Variants in KIRREL3 observed in about 807,000 individuals in gnomAD.
KIRREL3 encodes kirre like nephrin family adhesion molecule 3, also known as kin of IRRE-like protein 3.
Under a neutral mutation model 89.7 loss-of-function variants are expected in KIRREL3, and 36 were observed. The ratio of observed to expected loss-of-function variants is 0.40; its 90% CI spans 0.31 to 0.53. KIRREL3 has a LOEUF of 0.53. KIRREL3 is among the 20% of genes least tolerant of loss of function. The pLI is 0.49. For missense variants in KIRREL3, 864 were observed against 1,056.6 expected, an observed-to-expected ratio of 0.82 and a Z score of 2.53; for synonymous variants, 445 against 441.4, an observed-to-expected ratio of 1.01 and a Z score of -0.10.
At chr11:126,849,650 C>T (rs1246525587) in intron 1 of KIRREL3, among the ~76,000 whole-genome samples, 4 of 152,172 alleles carry the variant, frequency 2.6e-5, no homozygotes, top group African/African-American at 9.7e-5. Flanking sequence ...GCAGAGATGT[C>T]TAGTCACAGA....
In KIRREL3 at chr11:126,898,702, G is replaced by C. The variant is rs1325559970; in HGVS notation, c.55+101753C>G. On this transcript the variant is annotated intron_variant, in intron 1 of 16. Transcript: ENST00000525144. This position sits in a 1 kb window ranked among gnomAD's most constrained non-coding sequence, Gnocchi z 4.9. Reference sequence around the variant, plus strand: ...TTATCAAACATAGAATAGTTACCTGGGGGTAAAGGAAGGGAAATGGAAGTG... The same window carrying C: ...TTATCAAACATAGAATAGTTACCTGCGGGTAAAGGAAGGGAAATGGAAGTG... Among the ~76,000 whole-genome samples, 6 of 152,066 alleles carry C rather than the reference G, an allele frequency of 3.9e-5. No homozygotes were observed. The highest frequency in any genetic ancestry group is 8.8e-5 in the Non-Finnish European group (6 of 68,016).
At chr11:126,632,040 C>T (rs1944047604) in intron 1 of KIRREL3, among the ~76,000 whole-genome samples, 1 of 152,180 alleles carries the variant, frequency 6.6e-6, no homozygotes, top group Non-Finnish European at 1.5e-5. Flanking sequence ...TTTTATTTGA[C>T]ACCGGGATCA....
At chr11:126,945,891 G>A (rs1357993707) in intron 1 of KIRREL3, among the ~76,000 whole-genome samples, 1 of 152,144 alleles carries the variant, frequency 6.6e-6, no homozygotes, top group African/African-American at 2.4e-5. Context: ...GGCCTATTAA[G>A]GTCCCTTTTA....
chr11:126,997,456 C>T lies in KIRREL3; in HGVS notation c.55+2999G>A, dbSNP rs543210780. Among the ~76,000 whole-genome samples the T allele has an allele frequency of 5.9e-5, 9 of 152,112 alleles. No homozygotes were observed. In the South Asian group the frequency reaches 8.3e-4, roughly 14 times the overall value. ...CTGGGGACTCTGGCGGGGGTGGAAT[C>T]GGGAGGAATGTTATTTAGCCTTACT... On this transcript the variant is annotated intron_variant, in intron 1 of 16. Transcript: ENST00000525144. The surrounding 1 kb of genome is among the most constrained non-coding windows in gnomAD (Gnocchi z 4.3).
intron 1 of KIRREL3, among the ~76,000 whole-genome samples, chr11:126,784,580 C>A (rs1190138178): frequency 6.6e-6 from 1 of 151,680 alleles, no homozygotes; most frequent in Admixed American, 6.6e-5. Context: ...GACTTACCCT[C>A]TATCACCATT....
chr11:126,842,384 AG>A (rs1182152629), intron 1 of KIRREL3, among the ~76,000 whole-genome samples: 1 of 152,120 alleles, frequency 6.6e-6, no homozygotes, highest in African/African-American at 2.4e-5. Context: ...TAAATCTCTC[AG>A]GGTTCTGTAA....
Position 126,594,566 on chromosome 11 carries a change from AC to A in KIRREL3, c.56-31655del, listed in dbSNP as rs1170055412. Among the ~76,000 whole-genome samples the A allele has an allele frequency of 6.6e-6, 1 of 151,952 alleles. No individual in the cohort carries two copies. Among genetic ancestry groups the A allele is most frequent in the Non-Finnish European group, 1.5e-5 (1 of 67,970 alleles). On this transcript the variant is annotated intron_variant, in intron 1 of 16. Transcript: ENST00000525144. The surrounding 1 kb of genome is among the most constrained non-coding windows in gnomAD (Gnocchi z 5.0). ...CTTTCCACATAGCATGGGGCCTTCA[AC>A]TGCTGGAGGGTCTGGGCGGTCATTT... is the stretch of plus-strand genomic sequence containing the variant.
chr11:126,720,310 C>G (rs1948120680), intron 1 of KIRREL3, among the ~76,000 whole-genome samples: 1 of 152,316 alleles, frequency 6.6e-6, no homozygotes, highest in East Asian at 1.9e-4. Context: ...ACTCTGCAGT[C>G]CTTGCCTGTC....
In KIRREL3 at chr11:126,795,998, C is replaced by T. The variant is rs1029473166; in HGVS notation, c.55+204457G>A. ...GCTAGTACCTTGTCTGCTTATGTTG[C>T]CATTCATACAGCCAGTAATAAGCCA... is the stretch of plus-strand genomic sequence containing the variant. On this transcript the variant is annotated intron_variant, in intron 1 of 16. Coordinates refer to ENST00000525144, the MANE Select transcript of KIRREL3 (RefSeq NM_032531.4). This position sits in a 1 kb window ranked among gnomAD's most constrained non-coding sequence, Gnocchi z 4.1. Among the ~76,000 whole-genome samples the T allele has an allele frequency of 1.3e-5, 2 of 152,106 alleles. No homozygotes were observed. The highest frequency in any genetic ancestry group is 2.9e-5 in the Non-Finnish European group (2 of 68,022).
At position 126,566,869 on chromosome 11, in the gene KIRREL3, C is replaced by T. The variant is rs1940558501; in HGVS notation, c.56-3957G>A. On this transcript the variant is annotated intron_variant, in intron 1 of 16. Transcript: ENST00000525144. The surrounding 1 kb of genome is among the most constrained non-coding windows in gnomAD (Gnocchi z 4.9). The stretch of plus-strand genomic sequence containing the variant: ...AAGTAGCTCTGTGACACAGGCAAGT[C>T]AGAAATTATCTATTTCATTTTGGTT... 6.6e-6 allele frequency among the ~76,000 whole-genome samples: 1 copy of T among 152,166 alleles called. No individual in the cohort carries two copies. The highest frequency in any genetic ancestry group is 1.5e-5 in the Non-Finnish European group (1 of 68,040).
Position 126,906,523 on chromosome 11 carries a change from C to A in KIRREL3, c.55+93932G>T, listed in dbSNP as rs914584049. On this transcript the variant is annotated intron_variant, in intron 1 of 16. Transcript: ENST00000525144. The surrounding 1 kb of genome is among the most constrained non-coding windows in gnomAD (Gnocchi z 4.1). Reference sequence around the variant, plus strand: ...GCTGCCTCTGCCCAGTAACTTTAATCTCCCTCCAGCAGAGAAGTGGATAGG... The same window carrying A: ...GCTGCCTCTGCCCAGTAACTTTAATATCCCTCCAGCAGAGAAGTGGATAGG... Among the ~76,000 whole-genome samples the A allele has an allele frequency of 2.6e-5, 4 of 152,194 alleles. No homozygotes were observed. Among genetic ancestry groups the A allele is most frequent in the African/African-American group, 4.8e-5 (2 of 41,450 alleles).
At chr11:126,604,165 T>A (rs1474818093) in intron 1 of KIRREL3, among the ~76,000 whole-genome samples, 1 of 152,148 alleles carries the variant, frequency 6.6e-6, no homozygotes, top group South Asian at 2.1e-4. Context: ...GAATAAGCAA[T>A]AGCTTCTGTC....
At chr11:126,884,018 T>C (rs1945607724) in intron 1 of KIRREL3, among the ~76,000 whole-genome samples, 1 of 152,184 alleles carries the variant, frequency 6.6e-6, no homozygotes, top group Non-Finnish European at 1.5e-5. Context: ...GATTGACAAG[T>C]GATTGCAATG....
At chr11:126,865,943 C>T (rs1944903798) in intron 1 of KIRREL3, among the ~76,000 whole-genome samples, 1 of 152,110 alleles carries the variant, frequency 6.6e-6, no homozygotes, top group African/African-American at 2.4e-5. Flanking sequence ...GCTGCCTCCT[C>T]TGCGCTGAAT....
At chr11:126,868,269 G>C (rs1369449618) in intron 1 of KIRREL3, among the ~76,000 whole-genome samples, 1 of 101,074 alleles carries the variant, frequency 9.9e-6, no homozygotes, top group Non-Finnish European at 2.0e-5. Context: ...CACCAGTGCG[G>C]TCCAGCAGGG....
intron 1 of KIRREL3, among the ~76,000 whole-genome samples, chr11:126,914,546 G>A (rs1269130886): frequency 6.6e-6 from 1 of 152,216 alleles, no homozygotes; most frequent in Non-Finnish European, 1.5e-5. Flanking sequence ...ATGGGTGAGT[G>A]ACAGATGACA....
rs914367498 is a variant in KIRREL3, at chr11:126,647,460, A to G, written c.56-84548T>C. Among the ~76,000 whole-genome samples, 2 of 152,140 alleles carry G rather than the reference A, an allele frequency of 1.3e-5. No homozygotes were observed. The highest frequency in any genetic ancestry group is 6.5e-5 in the Admixed American group (1 of 15,280). On this transcript the variant is annotated intron_variant, in intron 1 of 16. Transcript: ENST00000525144. This position sits in a 1 kb window ranked among gnomAD's most constrained non-coding sequence, Gnocchi z 4.9. Reference sequence around the variant, plus strand: ...ACCCCACCCCTCTCACCAGGGTCCAAGTTATTTGAATACTTCATTTATGCA... The same window carrying G: ...ACCCCACCCCTCTCACCAGGGTCCAGGTTATTTGAATACTTCATTTATGCA...
intron 1 of KIRREL3, among the ~76,000 whole-genome samples, chr11:126,654,642 G>C (rs1179063575): frequency 6.6e-6 from 1 of 152,072 alleles, no homozygotes; most frequent in Non-Finnish European, 1.5e-5. Flanking sequence ...TGTCTGGAGG[G>C]GTTGTCTAGC....
rs1043741013 is a variant in KIRREL3 at position 126,724,681 on chromosome 11, G to A, written c.56-161769C>T. 8.0e-4 allele frequency among the ~76,000 whole-genome samples: 122 copies of A among 152,254 alleles called. No homozygotes were observed. Among genetic ancestry groups the A allele is most frequent in the African/African-American group, 2.6e-3 (108 of 41,540 alleles). On this transcript the variant is annotated intron_variant, in intron 1 of 16. Coordinates refer to ENST00000525144, the MANE Select transcript of KIRREL3 (RefSeq NM_032531.4). This position sits in a 1 kb window ranked among gnomAD's most constrained non-coding sequence, Gnocchi z 4.3. ...TCCTTCTTGAAACTTCCCTCTCCCC[G>A]TTTGAATTCCAATGAGGCATCTTTT...
Sources: allele counts gnomAD v4.1 joint callset (sites outside exome capture counted in the v4.1 genomes callset), GRCh38; gene constraint gnomAD v4.1.1; non-coding constraint Gnocchi (gnomAD v3.1); transcripts MANE v1.5; gene names NCBI Gene and HGNC (gene_info 2026-07-23, HGNC 2026-07-21).